The following SCLT1 variants were observed in gnomAD, a reference collection of about 807,000 sequenced individuals.
SCLT1 encodes sodium channel and clathrin linker 1.
A neutral mutation model predicts 112.8 loss-of-function variants in SCLT1; 78 were observed. The observed-to-expected ratio is 0.69, with a 90% CI of 0.58 to 0.83. The LOEUF (loss-of-function observed/expected upper bound fraction) is 0.83. SCLT1 is among the 40% of genes least tolerant of loss of function. SCLT1 has a pLI of 0.00. For synonymous variants in SCLT1, 257 were observed against 254.7 expected (o/e 1.01, Z -0.09); for missense variants, 747 against 770.4 (o/e 0.97, Z 0.36).
At chr4:129,026,946 T>C (rs933837072) in intron 5 of SCLT1, among the ~76,000 whole-genome samples, 45 of 151,832 alleles carry the variant, frequency 3.0e-4, no homozygotes, top group Admixed American at 5.9e-4. Flanking sequence ...AACTAGAAAA[T>C]CTAGAAGAAA....
chr4:129,020,745 G>GT (rs1352937731), intron 5 of SCLT1, among the ~76,000 whole-genome samples: 3 of 152,126 alleles, frequency 2.0e-5, no homozygotes, highest in Non-Finnish European at 4.4e-5. Flanking sequence ...TCAAGCCTCT[G>GT]TTTTTTACAG....
chr4:129,051,158 T>C (rs13119153), intron 2 of SCLT1, among the ~76,000 whole-genome samples: 4 of 152,086 alleles, frequency 2.6e-5, no homozygotes, highest in African/African-American at 9.7e-5. Context: ...TCAGGTAGCA[T>C]GATGCCTCCA....
At chr4:128,892,495 C>T (rs149560647) in intron 18 of SCLT1, among the ~76,000 whole-genome samples, 79 of 152,262 alleles carry the variant, frequency 5.2e-4, no homozygotes, top group African/African-American at 1.9e-3. Flanking sequence ...CAGATTAGCA[C>T]TTCCAAAATA....
chr4:129,052,688 C>A (rs72924196), intron 2 of SCLT1, among the ~76,000 whole-genome samples: 2 of 151,854 alleles, frequency 1.3e-5, no homozygotes, highest in African/African-American at 4.8e-5. Flanking sequence ...AGCTCCTAGA[C>A]TTATTAATTT....
At chr4:128,961,806 A>T (rs912491692) in intron 11 of SCLT1, among the ~76,000 whole-genome samples, 1 of 152,250 alleles carries the variant, frequency 6.6e-6, no homozygotes, top group African/African-American at 2.4e-5. Flanking sequence ...CAAATCAACA[A>T]ATAGTATAAT....
chr4:128,930,815 C>T (rs745908916), intron 18 of SCLT1, among the ~76,000 whole-genome samples: 26 of 151,864 alleles, frequency 1.7e-4, no homozygotes, highest in Non-Finnish European at 3.2e-4. Context: ...AGTTACAAAA[C>T]GAGGGCAAAT....
intron 11 of SCLT1, among the ~76,000 whole-genome samples, chr4:128,964,530 A>C (rs939195885): frequency 6.6e-6 from 1 of 152,242 alleles, no homozygotes; most frequent in Non-Finnish European, 1.5e-5. Flanking sequence ...TTTTTCTGAC[A>C]TATTACGCCC....
chr4:128,930,025 A>T lies in SCLT1; in HGVS notation c.1829+6630T>A, dbSNP rs150363301. ...ACAGATTTGGTCTTACGGTGGTTATAAAATATGTCCAGAAATTCTTGGAGA... is the reference window on the plus strand; with the variant it reads ...ACAGATTTGGTCTTACGGTGGTTATTAAATATGTCCAGAAATTCTTGGAGA... On this transcript the variant is annotated intron_variant, in intron 18 of 20. Coordinates refer to ENST00000281142, the MANE Select transcript of SCLT1 (RefSeq NM_144643.4). Among the ~76,000 whole-genome samples, 237 of 152,320 alleles carry T rather than the reference A, an allele frequency of 1.6e-3. 2 individuals are homozygous for T. Among genetic ancestry groups the T allele is most frequent in the East Asian group, 0.014 (70 of 5,182 alleles).
chr4:129,006,389 T>G (rs1264585912), intron 5 of SCLT1, among the ~76,000 whole-genome samples: 1 of 151,744 alleles, frequency 6.6e-6, no homozygotes, highest in Non-Finnish European at 1.5e-5. Flanking sequence ...AATACAAAAA[T>G]TAGCCGGGCA....
chr4:129,003,127 C>CT (rs1300317808), intron 6 of SCLT1, among the ~76,000 whole-genome samples: 1 of 152,066 alleles, frequency 6.6e-6, no homozygotes, highest in East Asian at 1.9e-4. Flanking sequence ...AGATCATGTC[C>CT]TTTTCAGGGA....
intron 11 of SCLT1, among the ~76,000 whole-genome samples, chr4:128,964,122 C>A (rs1325040415): frequency 6.6e-6 from 1 of 152,112 alleles, no homozygotes; most frequent in Non-Finnish European, 1.5e-5. Flanking sequence ...CTGCATGGAC[C>A]ATTCTGATAT....
chr4:128,918,421 C>T (rs1339740893), intron 18 of SCLT1, among the ~76,000 whole-genome samples: 1 of 152,104 alleles, frequency 6.6e-6, no homozygotes, highest in African/African-American at 2.4e-5. Context: ...TGCAATCAAC[C>T]AACCTGAGGA....
intron 5 of SCLT1, among the ~76,000 whole-genome samples, chr4:129,023,597 C>T (rs1011669380): frequency 1.3e-5 from 2 of 152,180 alleles, no homozygotes; most frequent in African/African-American, 2.4e-5. Flanking sequence ...TCTACAGCTC[C>T]CAGCGTGAGC....
At chr4:129,052,547 T>C (rs969313253) in intron 2 of SCLT1, among the ~76,000 whole-genome samples, 1 of 152,122 alleles carries the variant, frequency 6.6e-6, no homozygotes, top group Non-Finnish European at 1.5e-5. Context: ...CATGGTAGTT[T>C]TTGGTTTCTG....
At chr4:129,078,308 A>G (rs1385351156) in intron 2 of SCLT1, among the ~76,000 whole-genome samples, 2 of 152,226 alleles carry the variant, frequency 1.3e-5, no homozygotes, top group East Asian at 3.8e-4. Flanking sequence ...TGTTAAAAAC[A>G]TCTTTCATAA....
intron 9 of SCLT1, among the ~76,000 whole-genome samples, chr4:128,974,368 C>T (rs927402716): frequency 6.6e-6 from 1 of 151,540 alleles, no homozygotes; most frequent in African/African-American, 2.4e-5. Flanking sequence ...ATAATTTTCA[C>T]CAGGCATAAC....
intron 17 of SCLT1, among the ~76,000 whole-genome samples, chr4:128,938,607 G>A (rs184371107): frequency 1.5e-4 from 23 of 152,258 alleles, no homozygotes; most frequent in Admixed American, 4.6e-4. Flanking sequence ...CTCCTCTGGA[G>A]AAGTCATGTT....
At chr4:129,007,489 C>G (rs532620205) in intron 5 of SCLT1, among the ~76,000 whole-genome samples, 51 of 152,178 alleles carry the variant, frequency 3.4e-4, no homozygotes, top group Admixed American at 9.8e-4. Flanking sequence ...TTATGGAAAC[C>G]GCCTTTTAAT....
At chr4:128,876,124 AATT>A (rs537311217) in intron 4 of SCLT1, among the ~76,000 whole-genome samples, 167 of 152,272 alleles carry the variant, frequency 1.1e-3, no homozygotes, top group Non-Finnish European at 1.1e-3. Context: ...AACTGGTGTG[AATT>A]ATGCATTCTC....
Sources: gnomAD v4.1 joint callset for allele counts (sites outside exome capture counted in the v4.1 genomes callset) on GRCh38, gnomAD v4.1.1 for gene constraint, MANE v1.5 for transcripts, NCBI Gene and HGNC (gene_info 2026-07-23, HGNC 2026-07-21) for gene names.